Variants in CYP4X1 observed in about 807,000 individuals in gnomAD.
CYP4X1 encodes cytochrome P450 4X1.
CYP4X1 carries 44 observed loss-of-function variants against 57.9 expected under a neutral mutation model. The observed-to-expected ratio is 0.76, with a 90% CI of 0.60 to 0.98. The LOEUF (loss-of-function observed/expected upper bound fraction) is 0.98. Ranked by LOEUF, CYP4X1 falls within the 50% of genes least tolerant of loss-of-function variation. CYP4X1 has a pLI of 0.00. For missense variants in CYP4X1, 532 were observed against 623.9 expected, an observed-to-expected ratio of 0.85 and a Z score of 1.57; for synonymous variants, 227 against 228.6, an observed-to-expected ratio of 0.99 and a Z score of 0.06.
the CYP4X1 span, among the ~76,000 whole-genome samples, chr1:47,008,735 C>T: frequency 6.6e-6 from 1 of 152,054 alleles, no homozygotes; most frequent in East Asian, 1.9e-4. Flanking sequence ...GAAGATCTAC[C>T]AAACAAATGG....
At chr1:47,014,764 C>T in the CYP4X1 span, among the ~76,000 whole-genome samples, 1 of 152,174 alleles carries the variant, frequency 6.6e-6, no homozygotes, top group South Asian at 2.1e-4. Flanking sequence ...TCTGGAGGTT[C>T]TCACATCTCC....
At chr1:46,997,583 C>T in the CYP4X1 span, among the ~76,000 whole-genome samples, 3 of 152,196 alleles carry the variant, frequency 2.0e-5, no homozygotes, top group South Asian at 2.1e-4. Flanking sequence ...CGTATATATA[C>T]TGCATTTTCT....
chr1:46,999,776 C>T, the CYP4X1 span, among the ~76,000 whole-genome samples: 1 of 150,102 alleles, frequency 6.7e-6, no homozygotes. Context: ...TTAACTTGTA[C>T]ATGGTATAGG....
the CYP4X1 span, among the ~76,000 whole-genome samples, chr1:46,987,287 AAG>A: frequency 6.6e-6 from 1 of 152,194 alleles, no homozygotes; most frequent in Non-Finnish European, 1.5e-5. Flanking sequence ...GATACAAAGA[AAG>A]GCATTACATA....
At chr1:47,015,984 T>C in the CYP4X1 span, among the ~76,000 whole-genome samples, 694 of 152,288 alleles carry the variant, frequency 4.6e-3, 10 homozygotes, top group African/African-American at 0.016. Context: ...TCATCTTCTA[T>C]TTATCTACCT....
chr1:47,009,190 C>T, the CYP4X1 span, among the ~76,000 whole-genome samples: 1 of 151,660 alleles, frequency 6.6e-6, no homozygotes, highest in Non-Finnish European at 1.5e-5. Flanking sequence ...TCAAAAAGAA[C>T]AGAAATTATA....
chr1:46,976,148 C>T, the CYP4X1 span, among the ~76,000 whole-genome samples: 1 of 152,124 alleles, frequency 6.6e-6, no homozygotes. Context: ...TGGGGCATCA[C>T]CTCACCTGGG....
downstream of CYP4X1, among the ~76,000 whole-genome samples, chr1:47,053,228 C>T (rs1469772203): frequency 1.3e-5 from 2 of 152,116 alleles, no homozygotes; most frequent in African/African-American, 2.4e-5. Flanking sequence ...TCATCCATGT[C>T]CCTACAAAGG....
Position 47,042,582 on chromosome 1 carries a change from A to G in CYP4X1, c.1073+3050A>G, listed in dbSNP as rs529231478. ...ACCTAAGCAGTATACACTGTACCCA[A>G]TTTGTAGTCTTGTATCCCTCACCTC... is the stretch of plus-strand genomic sequence containing the variant. On this transcript the variant is annotated intron_variant, in intron 8 of 11. Transcript: ENST00000371901. 2.6e-5 allele frequency among the ~76,000 whole-genome samples: 4 copies of G among 152,138 alleles called. No homozygotes were observed. The South Asian group carries it at 6.2e-4, about 24-fold the overall frequency.
At chr1:47,001,918 C>T in the CYP4X1 span, among the ~76,000 whole-genome samples, 1 of 152,226 alleles carries the variant, frequency 6.6e-6, no homozygotes, top group Non-Finnish European at 1.5e-5. Flanking sequence ...AGAACATCCT[C>T]CCTCCACCTC....
chr1:47,020,677 C>T (rs1569594423), upstream of CYP4X1, among the ~76,000 whole-genome samples: 1 of 152,322 alleles, frequency 6.6e-6, no homozygotes, highest in Non-Finnish European at 1.5e-5. Context: ...TGGAATCCCA[C>T]ATTGGTGGGC....
intron 9 of CYP4X1, 146 bp from the exon 10 acceptor site, chr1:47,048,419 C>A (rs762758318): frequency 3.0e-5 from 25 of 840,384 alleles, no homozygotes; most frequent in Non-Finnish European, 4.3e-5. Context: ...TTCTTAGGTG[C>A]TCCTCACTGG....
At chr1:47,033,396 C>T (rs1424166734) in intron 4 of CYP4X1, 28 bp downstream of exon 4, 1 of 1,612,250 alleles carries the variant, frequency 6.2e-7, no homozygotes, top group Admixed American at 1.7e-5. Flanking sequence ...GTGCTCTGTG[C>T]ATTGCGAAAT....
downstream of CYP4X1, among the ~76,000 whole-genome samples, chr1:47,053,270 G>A (rs2148519059): frequency 6.6e-6 from 1 of 152,262 alleles, no homozygotes; most frequent in Middle Eastern, 3.4e-3. Flanking sequence ...TGGCTGCATA[G>A]TATTCCATGG....
intron 2 of CYP4X1, 43 bp downstream of exon 2, chr1:47,030,174 G>T: frequency 6.3e-7 from 1 of 1,575,750 alleles, no homozygotes; most frequent in Non-Finnish European, 8.6e-7. Flanking sequence ...CCTCCTAGAA[G>T]TGAAATGCAT....
chr1:47,036,387 C>CATATATATATATATATATATATAT (rs1198642261), intron 6 of CYP4X1, among the ~76,000 whole-genome samples: 1 of 134,698 alleles, frequency 7.4e-6, no homozygotes, highest in Non-Finnish European at 1.6e-5. Context: ...TATATATATA[C>CATATATATATATATATATATATAT]ACTATTTTTA....
At chr1:46,997,290 C>T in the CYP4X1 span, among the ~76,000 whole-genome samples, 8 of 151,968 alleles carry the variant, frequency 5.3e-5, no homozygotes, top group South Asian at 2.1e-4. Context: ...TGTGTAACAC[C>T]GGGGTTTGGA....
intron 2 of CYP4X1, among the ~76,000 whole-genome samples, chr1:47,030,873 T>C (rs1284386821): frequency 2.0e-5 from 3 of 152,144 alleles, no homozygotes; most frequent in African/African-American, 4.8e-5. Flanking sequence ...ATGAGACTTA[T>C]GCTCGAGACC....
At chr1:47,055,054 G>C (rs1230732084), downstream of CYP4X1, among the ~76,000 whole-genome samples, 1 of 152,164 alleles carries the variant, frequency 6.6e-6, no homozygotes, top group Admixed American at 6.5e-5. Context: ...TTGGCTGTGG[G>C]TTTGTCATAG....
Sources: allele counts gnomAD v4.1 joint callset (sites outside exome capture counted in the v4.1 genomes callset), GRCh38; gene constraint gnomAD v4.1.1; transcripts MANE v1.5; gene names NCBI Gene and HGNC (gene_info 2026-07-23, HGNC 2026-07-21).